The following ZNF564 variants were observed in gnomAD, a reference collection of about 807,000 sequenced individuals.
The protein encoded by ZNF564 is zinc finger protein 564.
ZNF564 carries 5 observed loss-of-function variants against 10.5 expected under a neutral mutation model. The ratio of observed to expected loss-of-function variants is 0.48; its 90% confidence interval spans 0.25 to 1.00. The LOEUF (loss-of-function observed/expected upper bound fraction) is 1.00, where lower values mean the gene tolerates loss of function less well. Among genes scored for constraint, ZNF564 ranks in the 50% least tolerant of loss-of-function variants. ZNF564 has a pLI of 0.16. For synonymous variants in ZNF564, 242 were observed against 218.1 expected (o/e 1.11, Z -0.97); for missense variants, 603 against 669.7 (o/e 0.90, Z 1.10).
At chr19:12,538,146 G>A (rs1005659299) in intron 1 of ZNF564, among the ~76,000 whole-genome samples, 7 of 151,698 alleles carry the variant, frequency 4.6e-5, no homozygotes, top group South Asian at 2.1e-4. Context: ...TTCAACATAC[G>A]AATATACATT....
intron 1 of ZNF564, among the ~76,000 whole-genome samples, chr19:12,542,386 G>A (rs2145088980): frequency 6.6e-6 from 1 of 151,600 alleles, no homozygotes; most frequent in South Asian, 2.1e-4. Context: ...CCAGCATTCT[G>A]GGAGGCCAAG....
Position 12,525,521 on chromosome 19 carries a change from A to G in ZNF564, c.*925T>C, listed in dbSNP as rs936256019. 2 of 152,094 alleles carry G rather than the reference A, an allele frequency of 1.3e-5. No individual in the cohort carries two copies. The highest frequency in any genetic ancestry group is 2.9e-5 in the Non-Finnish European group (2 of 68,022). The allele number at this position is 152,094 out of a possible 1,614,324, so 9.4% of individuals were successfully genotyped here. ...TTGTTTTCCATCTTTGATACTACTA[A>G]TCCTAATGAGATGCTATGTATGTCT... is the stretch of plus-strand genomic sequence containing the variant. On this transcript the variant is annotated 3_prime_UTR_variant, in exon 4 of 4. Coordinates refer to ENST00000339282, the MANE Select transcript of ZNF564 (RefSeq NM_144976.4).
At position 12,526,639 on chromosome 19, in the gene ZNF564, C is replaced by T. The variant is rs1363846085; in HGVS notation, c.1469G>A (p.Ser490Asn). Residue 490 changes from serine (S) to asparagine (N), a missense_variant, in exon 4 of 4, where the codon AGT (serine) becomes AAT (asparagine). Coordinates refer to ENST00000339282, the MANE Select transcript of ZNF564 (RefSeq NM_144976.4). ...AGTTCTTTCATGTATTCTAATGGAA[C>T]TGGCATAATTGAATGCTTTCCCACA... ...KECGKAFNYASSIRIHERTHT... is the reference protein window; with the variant it reads ...KECGKAFNYANSIRIHERTHT... The T allele has an allele frequency of 1.2e-6, 2 of 1,614,038 alleles. No individual in the cohort carries two copies. Among genetic ancestry groups the T allele is most frequent in the Admixed American group, 3.3e-5 (2 of 59,990 alleles).
intron 1 of ZNF564, among the ~76,000 whole-genome samples, chr19:12,539,782 T>C (rs1213605508): frequency 6.6e-6 from 1 of 151,964 alleles, no homozygotes; most frequent in East Asian, 1.9e-4. Context: ...AAGACCATCC[T>C]GGCTAACTCG....
rs1410110594 is a variant in ZNF564 at position 12,526,465 on chromosome 19, T to C, written c.1643A>G (p.Asn548Ser). 24 of 1,598,746 alleles carry C rather than the reference T, an allele frequency of 1.5e-5. No homozygotes were observed. Among genetic ancestry groups the C allele is most frequent in the Non-Finnish European group, 2.0e-5 (24 of 1,173,560 alleles). The change falls in exon 4 of 4, where the codon AAT becomes AGT. Residue 548 changes from asparagine to serine, a missense_variant. Physicochemically the swap from Asn to Ser is conservative, Grantham distance 46. Transcript: ENST00000339282. The stretch of plus-strand genomic sequence containing the variant: ...CCTCCACTATTCATTTTCACAGGTA[T>C]TCGAAGGTTGTGTGATAAATGAAAG... ...GKLSFITQPS[N>S]TCENE
chr19:12,551,428 C>A lies in ZNF564; in HGVS notation c.-96G>T. On this transcript the variant is annotated 5_prime_UTR_variant, in exon 1 of 4. Transcript: ENST00000339282. The stretch of plus-strand genomic sequence containing the variant: ...AGACGCTGCGGTGGAGCCACCGGGG[C>A]CACTGGAGAAGCGGAGACCGGAACC... 2 of 1,459,162 alleles carry A rather than the reference C, an allele frequency of 1.4e-6. No homozygotes were observed. Among genetic ancestry groups the A allele is most frequent in the East Asian group, 2.7e-5 (1 of 36,532 alleles). 90.4% of individuals were successfully genotyped at this position (1,459,162 alleles called of 1,614,324 possible).
chr19:12,545,857 T>C (rs1599287696), intron 1 of ZNF564, among the ~76,000 whole-genome samples: 1 of 151,926 alleles, frequency 6.6e-6, no homozygotes, highest in African/African-American at 2.4e-5. Flanking sequence ...CAACTCAATC[T>C]CCAGCCTCCA....
intron 1 of ZNF564, chr19:12,548,672 A>C (rs932519196): frequency 2.1e-5 from 13 of 623,940 alleles, no homozygotes; most frequent in African/African-American, 2.0e-4. Flanking sequence ...AAACATGAAA[A>C]GCACATTTAT....
At position 12,551,312 on chromosome 19, in the gene ZNF564, C is replaced by T; in HGVS notation, c.3+18G>A. On this transcript the variant is annotated intron_variant, in intron 1 of 3. Transcript: ENST00000339282. The stretch of plus-strand genomic sequence containing the variant: ...AGCCCCTCCCCCAGTCTCCAGGCGC[C>T]CGGCCCCGCACACGCACCATTTCCT... 1.9e-6 allele frequency: 3 copies of T among 1,606,472 alleles called. No homozygotes were observed. Among genetic ancestry groups the T allele is most frequent in the Non-Finnish European group, 2.5e-6 (3 of 1,176,684 alleles).
rs148834385 is a variant in ZNF564 at position 12,540,630 on chromosome 19, A to G, written c.3+10700T>C. Among the ~76,000 whole-genome samples, 127 of 152,222 alleles carry G rather than the reference A, an allele frequency of 8.3e-4. 1 individual carries two copies. In the East Asian group the frequency reaches 0.014, roughly 16 times the overall value. On this transcript the variant is annotated intron_variant, in intron 1 of 3. Transcript: ENST00000339282. ...AGCACTTTGGGAGGCCAAGGCGGGC[A>G]GATCACAAAGTCAGGAGATCGCCAC...
chr19:12,533,726 CCA>C, intron 1 of ZNF564, among the ~76,000 whole-genome samples: 1 of 10,058 alleles, frequency 9.9e-5, no homozygotes, highest in African/African-American at 4.8e-4. Context: ...GCTGCTGTCT[CCA>C]AAAAAAAAAA....
In ZNF564 at chr19:12,526,208, A is replaced by C. The variant is rs1301437105; in HGVS notation, c.*238T>G. ...GTGTCATCTCAATATCACATCACTC[A>C]GATATGGATGAGACTCAATTCATGC... On this transcript the variant is annotated 3_prime_UTR_variant, in exon 4 of 4. Transcript: ENST00000339282. 2.4e-6 allele frequency: 1 copy of C among 415,816 alleles called. No individual in the cohort carries two copies. Among genetic ancestry groups the C allele is most frequent in the African/African-American group, 2.0e-5 (1 of 49,456 alleles). 25.8% of individuals were successfully genotyped at this position (415,816 alleles called of 1,614,324 possible).
intron 1 of ZNF564, among the ~76,000 whole-genome samples, chr19:12,542,377 C>CA (rs1360766498): frequency 6.6e-6 from 1 of 151,108 alleles, no homozygotes; most frequent in Non-Finnish European, 1.5e-5. Context: ...CATGGAATCC[C>CA]AGCATTCTGG....
At chr19:12,533,727 CA>C (rs59631972) in intron 1 of ZNF564, among the ~76,000 whole-genome samples, 16 of 29,168 alleles carry the variant, frequency 5.5e-4, no homozygotes, top group East Asian at 1.8e-3. Context: ...CTGCTGTCTC[CA>C]AAAAAAAAAA....
intron 1 of ZNF564, among the ~76,000 whole-genome samples, chr19:12,543,337 G>A (rs922670902): frequency 1.4e-5 from 2 of 145,878 alleles, no homozygotes; most frequent in Non-Finnish European, 3.0e-5. Flanking sequence ...GGAGGGGAGG[G>A]GAAGGGGAAG....
intron 1 of ZNF564, among the ~76,000 whole-genome samples, chr19:12,545,414 G>C (rs2022132645): frequency 6.6e-6 from 1 of 151,996 alleles, no homozygotes; most frequent in South Asian, 2.1e-4. Flanking sequence ...CTGACCTCTG[G>C]TGTCCTTTCT....
intron 1 of ZNF564, among the ~76,000 whole-genome samples, chr19:12,544,901 C>A (rs1683652877): frequency 6.6e-6 from 1 of 152,114 alleles, no homozygotes; most frequent in African/African-American, 2.4e-5. Flanking sequence ...ACAAGGAAAC[C>A]CACATTCAGA....
intron 1 of ZNF564, among the ~76,000 whole-genome samples, chr19:12,550,011 G>T (rs1045934455): frequency 9.2e-5 from 14 of 152,172 alleles, no homozygotes; most frequent in African/African-American, 3.4e-4. Context: ...TTTTTACCAC[G>T]GCCGGGCGCG....
intron 1 of ZNF564, 64 bp downstream of exon 1, chr19:12,551,266 C>T: frequency 6.4e-7 from 1 of 1,560,302 alleles, no homozygotes; most frequent in Non-Finnish European, 8.7e-7. Context: ...CTTCCACAGC[C>T]GGTTCCGGCC....
Sources: allele counts gnomAD v4.1 joint callset (sites outside exome capture counted in the v4.1 genomes callset), GRCh38; gene constraint gnomAD v4.1.1; transcripts MANE v1.5; gene names NCBI Gene and HGNC (gene_info 2026-07-23, HGNC 2026-07-21).